DDX10: variants seen among roughly 807,000 people sequenced by gnomAD.
DDX10 encodes the protein DEAD-box helicase 10.
A neutral mutation model predicts 104.3 loss-of-function variants in DDX10; 74 were observed. That is an observed-to-expected ratio of 0.71 (90% CI 0.59 to 0.86). The LOEUF (loss-of-function observed/expected upper bound fraction) is 0.86. Ranked by LOEUF, DDX10 falls within the 40% of genes least tolerant of loss-of-function variation. The pLI, the probability that DDX10 is intolerant of heterozygous loss-of-function variation, is 0.00. For missense variants in DDX10, 952 were observed against 1,040.0 expected (o/e 0.92, Z 1.16); for synonymous variants, 351 against 353.4 (o/e 0.99, Z 0.08).
At chr11:108,864,724 T>C (rs1051834023) in intron 16 of DDX10, among the ~76,000 whole-genome samples, 2 of 152,192 alleles carry the variant, frequency 1.3e-5, no homozygotes, top group Non-Finnish European at 2.9e-5. Context: ...CCTTCCAAAG[T>C]ACTGGGATTA....
At chr11:108,705,050 C>A (rs1158668673) in intron 9 of DDX10, among the ~76,000 whole-genome samples, 2 of 152,184 alleles carry the variant, frequency 1.3e-5, no homozygotes, top group Admixed American at 6.5e-5. Flanking sequence ...TGATAAAATT[C>A]TACTTACATA....
chr11:108,674,048 G>T (rs1467237869), intron 2 of DDX10, among the ~76,000 whole-genome samples: 2 of 152,164 alleles, frequency 1.3e-5, no homozygotes, highest in African/African-American at 4.8e-5. Context: ...ATTTGGCCAG[G>T]TGTGGTGGCT....
At chr11:108,935,258 A>C (rs1333439859) in intron 17 of DDX10, among the ~76,000 whole-genome samples, 1 of 152,206 alleles carries the variant, frequency 6.6e-6, no homozygotes, top group Non-Finnish European at 1.5e-5. Context: ...AGGGAATTCC[A>C]GATGGAGATA....
chr11:108,669,334 C>A (rs191579493), intron 1 of DDX10, among the ~76,000 whole-genome samples: 1 of 152,034 alleles, frequency 6.6e-6, no homozygotes, highest in Non-Finnish European at 1.5e-5. Context: ...TGTGCTCAAG[C>A]GAACTGCCCA....
intron 13 of DDX10, among the ~76,000 whole-genome samples, chr11:108,832,242 C>T (rs2615733): frequency 0.19 from 29,584 of 152,014 alleles, 3,269 homozygotes; most frequent in East Asian, 0.3. Flanking sequence ...AAAATCTGCA[C>T]TTTAAGAAGT....
intron 13 of DDX10, among the ~76,000 whole-genome samples, chr11:108,762,422 A>G (rs763012276): frequency 2.0e-5 from 3 of 152,190 alleles, no homozygotes; most frequent in Non-Finnish European, 4.4e-5. Flanking sequence ...ATCCTTTTCC[A>G]TTGTTGATAT....
intron 16 of DDX10, among the ~76,000 whole-genome samples, chr11:108,910,876 A>G (rs1427895800): frequency 6.6e-6 from 1 of 151,906 alleles, no homozygotes; most frequent in Non-Finnish European, 1.5e-5. Context: ...GAGAAAGATG[A>G]GAGAACTAGT....
At chr11:108,895,356 C>CA (rs200449114) in intron 16 of DDX10, among the ~76,000 whole-genome samples, 81 of 148,304 alleles carry the variant, frequency 5.5e-4, no homozygotes, top group African/African-American at 1.7e-3. Context: ...TAAACTCAGT[C>CA]AAAAAAAAAG....
At position 108,869,079 on chromosome 11, in the gene DDX10, G is replaced by A. The variant is rs1277172053; in HGVS notation, c.2304+16870G>A. Among the ~76,000 whole-genome samples the A allele has an allele frequency of 2.6e-5, 4 of 151,692 alleles. 1 individual carries two copies. In the South Asian group the frequency reaches 6.2e-4, roughly 24 times the overall value. On this transcript the variant is annotated intron_variant, in intron 16 of 17. Coordinates refer to ENST00000322536, the MANE Select transcript of DDX10 (RefSeq NM_004398.4). ...TAATGATAAGGATGGACATGGAAGC[G>A]GGAGAAGTTAGATGAAGAATTAAAG...
chr11:108,689,181 C>A lies in DDX10; in HGVS notation c.975+119C>A, dbSNP rs557182697. ...TACAGTGCTAGGTGTGGTGAGGGAT[C>A]TTTCGTGTCCTTGTTGCAAAGGAAT... On this transcript the variant is annotated intron_variant, in intron 7 of 17. Coordinates refer to ENST00000322536, the MANE Select transcript of DDX10 (RefSeq NM_004398.4). 2.5e-5 allele frequency: 25 copies of A among 1,002,428 alleles called. No individual in the cohort carries two copies. In the African/African-American group the frequency reaches 2.6e-4, roughly 10 times the overall value. The allele number at this position is 1,002,428 out of a possible 1,614,324, so 62.1% of individuals were successfully genotyped here.
At chr11:108,940,221 A>T (rs1864089143) in intron 17 of DDX10, 25 bp from the exon 18 acceptor site, 5 of 1,610,418 alleles carry the variant, frequency 3.1e-6, no homozygotes, top group Non-Finnish European at 4.2e-6. Flanking sequence ...AGTCTAAAGT[A>T]AATCTTTGGA....
chr11:108,665,431 C>A, intron 1 of DDX10, 92 bp downstream of exon 1: 1 of 1,400,306 alleles, frequency 7.1e-7, no homozygotes, highest in East Asian at 2.7e-5. Flanking sequence ...GGCGGCGGAT[C>A]TGTCACCGGG....
At chr11:108,938,840 A>G (rs1024546623) in intron 17 of DDX10, among the ~76,000 whole-genome samples, 4 of 152,188 alleles carry the variant, frequency 2.6e-5, no homozygotes, top group African/African-American at 9.7e-5. Flanking sequence ...ATAAATGGAT[A>G]TGCTGATGAG....
intron 13 of DDX10, among the ~76,000 whole-genome samples, chr11:108,777,472 G>A (rs2094371511): frequency 6.6e-6 from 1 of 152,024 alleles, no homozygotes; most frequent in South Asian, 2.1e-4. Context: ...ACAGGCGCGT[G>A]CCACTGCATC....
intron 16 of DDX10, among the ~76,000 whole-genome samples, chr11:108,906,883 C>T (rs1863603651): frequency 6.6e-6 from 1 of 152,180 alleles, no homozygotes; most frequent in Non-Finnish European, 1.5e-5. Flanking sequence ...GAAGAAATCT[C>T]ATTTTGCTAA....
intron 16 of DDX10, among the ~76,000 whole-genome samples, chr11:108,852,584 C>T (rs1003389553): frequency 6.6e-5 from 10 of 152,196 alleles, no homozygotes; most frequent in Admixed American, 2.6e-4. Context: ...AGGTAGACAG[C>T]CTGTGTGAAC....
intron 17 of DDX10, among the ~76,000 whole-genome samples, chr11:108,927,821 G>A (rs1242413131): frequency 3.3e-5 from 5 of 151,992 alleles, no homozygotes; most frequent in Admixed American, 2.0e-4. Context: ...TGTATTTTTA[G>A]TAGAGAAGGG....
chr11:108,758,735 A>G (rs575317211), intron 13 of DDX10, among the ~76,000 whole-genome samples: 2 of 151,988 alleles, frequency 1.3e-5, no homozygotes, highest in South Asian at 4.2e-4. Context: ...TCCTGTTTCC[A>G]CTTTTAAGGA....
rs188167349 is a variant in DDX10 at position 108,715,764 on chromosome 11, A to G, written c.1323-115A>G. The G allele has an allele frequency of 5.9e-3, 3,696 of 623,018 alleles. 38 individuals carry two copies. The highest frequency in any genetic ancestry group is 4.8e-3 in the Middle Eastern group (18 of 3,788). 38.6% of individuals were successfully genotyped at this position (623,018 alleles called of 1,614,324 possible). On this transcript the variant is annotated intron_variant, in intron 10 of 17. Transcript: ENST00000322536. ...AATTTCCGTCTAATCTGATTCATAG[A>G]TGAGAAATAGTTATACATTTAAAAA...
Sources: allele counts gnomAD v4.1 joint callset (sites outside exome capture counted in the v4.1 genomes callset), GRCh38; gene constraint gnomAD v4.1.1; transcripts MANE v1.5; gene names NCBI Gene and HGNC (gene_info 2026-07-23, HGNC 2026-07-21).